Variants in POLH observed in about 807,000 individuals in gnomAD.
POLH encodes the protein DNA polymerase eta.
Under a neutral mutation model 73.6 loss-of-function variants are expected in POLH, and 53 were observed. That is an observed-to-expected ratio of 0.72 (90% CI 0.58 to 0.91). The LOEUF (loss-of-function observed/expected upper bound fraction) is 0.91. Among genes scored for constraint, POLH ranks in the 40% least tolerant of loss-of-function variants. The pLI, the probability that POLH is intolerant of heterozygous loss-of-function variation, is 0.00. For synonymous variants in POLH, 292 were observed against 308.5 expected, an observed-to-expected ratio of 0.95 and a Z score of 0.56; for missense variants, 768 against 865.4, an observed-to-expected ratio of 0.89 and a Z score of 1.41.
chr6:43,578,174 G>A (rs985747184), intron 1 of POLH, among the ~76,000 whole-genome samples: 1 of 151,900 alleles, frequency 6.6e-6, no homozygotes, highest in Non-Finnish European at 1.5e-5. Flanking sequence ...ATCGCCTAAG[G>A]TCAGGAGTTA....
intron 10 of POLH, 25 bp from the exon 11 acceptor site, chr6:43,613,635 T>C (rs766530360): frequency 6.3e-7 from 1 of 1,585,458 alleles, no homozygotes; most frequent in African/African-American, 1.3e-5. Context: ...TTGCTAATCA[T>C]CTTATTTCTT....
rs899800834 is a variant in POLH at position 43,614,074 on chromosome 6, A to G, written c.1659A>G (p.Gln553=). Residue 553 remains glutamine, a synonymous_variant, in exon 11 of 11, where the codon CAA becomes CAG. Coordinates refer to ENST00000372236, the MANE Select transcript of POLH (RefSeq NM_006502.3). ...QLNNSSVSSP[Q]QNPWSNCKAL... ...ATAATTCTTCAGTTTCTTCCCCCCA[A>G]CAAAACCCATGGTCCAACTGTAAAG... 22 of 1,614,050 alleles carry G rather than the reference A, an allele frequency of 1.4e-5. No homozygotes were observed. The highest frequency in any genetic ancestry group is 1.8e-5 in the Non-Finnish European group (21 of 1,180,036).
chr6:43,608,112 A>G (rs757815623), intron 9 of POLH, among the ~76,000 whole-genome samples: 1 of 152,234 alleles, frequency 6.6e-6, no homozygotes, highest in Non-Finnish European at 1.5e-5. Flanking sequence ...CATGAGCAAC[A>G]AGAGCAAAGC....
At chr6:43,612,385 T>G (rs116305388) in intron 10 of POLH, among the ~76,000 whole-genome samples, 1 of 151,324 alleles carries the variant, frequency 6.6e-6, no homozygotes, top group Non-Finnish European at 1.5e-5. Context: ...TCGCTCTTGT[T>G]GTCTAGGCTG....
chr6:43,612,449 C>G (rs1319633729), intron 10 of POLH, among the ~76,000 whole-genome samples: 3 of 150,796 alleles, frequency 2.0e-5, no homozygotes, highest in Non-Finnish European at 4.4e-5. Context: ...CGGGTTCAAG[C>G]GATTCTCCTG....
intron 3 of POLH, among the ~76,000 whole-genome samples, chr6:43,585,293 T>C (rs906275455): frequency 6.6e-6 from 1 of 152,206 alleles, no homozygotes; most frequent in Admixed American, 6.5e-5. Flanking sequence ...GACCCTGTCC[T>C]CTTGGGTTTT....
At chr6:43,587,709 AT>A (rs1192479068) in intron 4 of POLH, among the ~76,000 whole-genome samples, 1 of 152,230 alleles carries the variant, frequency 6.6e-6, no homozygotes, top group African/African-American at 2.4e-5. Flanking sequence ...CTCTTTAGAT[AT>A]AACTAGGGCA....
rs1268498406 is a variant in POLH, at chr6:43,617,894, T to G, written c.*3337T>G. 6.6e-6 allele frequency among the ~76,000 whole-genome samples: 1 copy of G among 151,628 alleles called. No individual in the cohort carries two copies. Among genetic ancestry groups the G allele is most frequent in the Non-Finnish European group, 1.5e-5 (1 of 67,974 alleles). On this transcript the variant is annotated 3_prime_UTR_variant, in exon 11 of 11. Coordinates refer to ENST00000372236, the MANE Select transcript of POLH (RefSeq NM_006502.3). ...CAGATCGTGCCACTGCACTGCACCC[T>G]GGCGACACAGCAAGACTGTCTCAAA... is the stretch of plus-strand genomic sequence containing the variant.
In POLH at chr6:43,583,067, T is replaced by C; in HGVS notation, c.198T>C (p.Asp66=). ...AFGVTRSMWA[D]DAKKLCPDLL... is the part of the protein sequence containing the mutation. Reference sequence around the variant, plus strand: ...GAGTCACTAGAAGTATGTGGGCAGATGATGCTAAGAAGTTATGTCCAGATC... The same window carrying C: ...GAGTCACTAGAAGTATGTGGGCAGACGATGCTAAGAAGTTATGTCCAGATC... Residue 66 remains aspartate (D), a synonymous_variant, in exon 3 of 11, where the codon GAT becomes GAC. Transcript: ENST00000372236. 1 of 1,613,672 alleles carries C rather than the reference T, an allele frequency of 6.2e-7. No homozygotes were observed. The highest frequency in any genetic ancestry group is 8.5e-7 in the Non-Finnish European group (1 of 1,179,562).
chr6:43,588,045 AATC>A (rs904062507), intron 4 of POLH, among the ~76,000 whole-genome samples: 1 of 152,196 alleles, frequency 6.6e-6, no homozygotes, highest in Admixed American at 6.5e-5. Context: ...AAAACAAAAA[AATC>A]AATAGAAGGC....
At chr6:43,590,106 C>T (rs1765277498) in intron 4 of POLH, among the ~76,000 whole-genome samples, 1 of 151,324 alleles carries the variant, frequency 6.6e-6, no homozygotes, top group African/African-American at 2.4e-5. Flanking sequence ...CACCTGTAAT[C>T]CAAGCACTTT....
rs1025248553 is a variant in POLH, at chr6:43,618,175, G to A, written c.*3618G>A. 6.7e-6 allele frequency among the ~76,000 whole-genome samples: 1 copy of A among 149,968 alleles called. No individual in the cohort carries two copies. Among genetic ancestry groups the A allele is most frequent in the African/African-American group, 2.5e-5 (1 of 40,734 alleles). ...TACTGTATTATTATTATTTTTTTTTGAGATGGAGTCTCGCTGTGTAGCCAG... is the reference window on the plus strand; with the variant it reads ...TACTGTATTATTATTATTTTTTTTTAAGATGGAGTCTCGCTGTGTAGCCAG... On this transcript the variant is annotated 3_prime_UTR_variant, in exon 11 of 11. Transcript: ENST00000372236.
At chr6:43,603,079 G>A (rs1766914440) in intron 6 of POLH, among the ~76,000 whole-genome samples, 1 of 137,966 alleles carries the variant, frequency 7.2e-6, no homozygotes, top group Non-Finnish European at 1.5e-5. Context: ...AGAGCTCACT[G>A]CAGCCTTAAC....
chr6:43,607,461 A>G (rs866162182), intron 9 of POLH, among the ~76,000 whole-genome samples: 19 of 152,124 alleles, frequency 1.2e-4, no homozygotes, highest in African/African-American at 4.3e-4. Flanking sequence ...TTGCTTATCT[A>G]CTTATTAGTG....
intron 4 of POLH, among the ~76,000 whole-genome samples, chr6:43,589,296 C>T (rs1765187445): frequency 6.6e-6 from 1 of 152,150 alleles, no homozygotes; most frequent in Non-Finnish European, 1.5e-5. Context: ...GTGACAAATT[C>T]ATTGGTTGCT....
chr6:43,596,740 GTTC>G (rs1360476090), intron 4 of POLH, among the ~76,000 whole-genome samples: 1 of 151,918 alleles, frequency 6.6e-6, no homozygotes, highest in African/African-American at 2.4e-5. Flanking sequence ...TTCAAGAAAA[GTTC>G]TTCTGTAGGG....
At position 43,602,829 on chromosome 6, in the gene POLH, G is replaced by A. The variant is rs61571870; in HGVS notation, c.765-1063G>A. The stretch of plus-strand genomic sequence containing the variant: ...ACCACAGCTGCATGCCACTACGCCC[G>A]ACTAATTTTTGTATTTTTAGGAGAG... On this transcript the variant is annotated intron_variant, in intron 6 of 10. Transcript: ENST00000372236. Among the ~76,000 whole-genome samples, 1,073 of 151,250 alleles carry A rather than the reference G, an allele frequency of 7.1e-3. 8 individuals are homozygous for A. Among genetic ancestry groups the A allele is most frequent in the African/African-American group, 0.025 (1,023 of 41,182 alleles).
chr6:43,597,994 C>G (rs1044736898), intron 5 of POLH, 129 bp downstream of exon 5: 152 of 792,890 alleles, frequency 1.9e-4, no homozygotes, highest in Non-Finnish European at 3.9e-5. Flanking sequence ...GAGTGGATCG[C>G]GTGAGCCCAG....
chr6:43,579,584 G>C (rs1763777976), intron 1 of POLH, among the ~76,000 whole-genome samples: 1 of 152,158 alleles, frequency 6.6e-6, no homozygotes, highest in Admixed American at 6.5e-5. Context: ...TGAGTTCTGT[G>C]AGCCACTCTG....
Sources: allele counts gnomAD v4.1 joint callset (sites outside exome capture counted in the v4.1 genomes callset), GRCh38; gene constraint gnomAD v4.1.1; transcripts MANE v1.5; gene names NCBI Gene and HGNC (gene_info 2026-07-23, HGNC 2026-07-21).